METTL21C: variants seen among roughly 807,000 people sequenced by gnomAD.
The protein encoded by METTL21C is protein-lysine methyltransferase METTL21C.
A neutral mutation model predicts 25.9 loss-of-function variants in METTL21C; 21 were observed. The observed-to-expected ratio is 0.81, with a 90% CI of 0.58 to 1.17. METTL21C has a LOEUF of 1.17. METTL21C is among the 50% of genes most tolerant of loss of function. The probability of loss-of-function intolerance (pLI) is 0.00; values close to 1 mark genes in which losing one functional copy is unlikely to be tolerated. For missense variants in METTL21C, 312 were observed against 315.1 expected (o/e 0.99, Z 0.07); for synonymous variants, 125 against 124.7 (o/e 1.00, Z -0.01).
chr13:102,702,589 AT>A, the METTL21C span, among the ~76,000 whole-genome samples: 3,853 of 146,132 alleles, frequency 0.026, 88 homozygotes, highest in African/African-American at 0.068. Context: ...CAAAAACAGG[AT>A]TTTTTTTTTT....
intron 1 of METTL21C, among the ~76,000 whole-genome samples, chr13:102,692,326 C>A (rs1014690443): frequency 1.3e-5 from 2 of 152,092 alleles, no homozygotes; most frequent in Admixed American, 1.3e-4. Flanking sequence ...AGGTCTCACT[C>A]ATTCCATACA....
the METTL21C span, among the ~76,000 whole-genome samples, chr13:102,701,032 C>A: frequency 6.6e-6 from 1 of 151,934 alleles, no homozygotes; most frequent in South Asian, 2.1e-4. Flanking sequence ...CAACAGATTT[C>A]TATTAGGAAA....
At chr13:102,695,520 C>A (rs1885933285), upstream of METTL21C, among the ~76,000 whole-genome samples, 1 of 152,098 alleles carries the variant, frequency 6.6e-6, no homozygotes, top group Admixed American at 6.6e-5. Flanking sequence ...TACATTCAAC[C>A]AGGGAGTTGG....
intron 2 of METTL21C, among the ~76,000 whole-genome samples, chr13:102,689,950 G>A (rs999566427): frequency 7.2e-5 from 11 of 152,192 alleles, no homozygotes; most frequent in Admixed American, 2.0e-4. Context: ...GAAGGCAAAC[G>A]GAGGTGAGGT....
chr13:102,689,450 G>A (rs186816856), intron 2 of METTL21C, among the ~76,000 whole-genome samples: 4 of 152,310 alleles, frequency 2.6e-5, no homozygotes, highest in Non-Finnish European at 5.9e-5. Context: ...AAGCCCTTTG[G>A]CTACCCTTCT....
intron 3 of METTL21C, 62 bp from the exon 4 acceptor site, chr13:102,686,487 AG>A (rs1339384892): frequency 6.6e-7 from 1 of 1,516,740 alleles, no homozygotes; most frequent in African/African-American, 1.4e-5. Context: ...ACATATACCC[AG>A]GGAGAAACAC....
At chr13:102,696,113 A>G (rs1411554373), upstream of METTL21C, among the ~76,000 whole-genome samples, 1 of 152,078 alleles carries the variant, frequency 6.6e-6, no homozygotes, top group Non-Finnish European at 1.5e-5. Flanking sequence ...AAACTTTTTT[A>G]AAGCTATTTT....
chr13:102,690,506 T>G (rs2138883616), intron 2 of METTL21C, among the ~76,000 whole-genome samples: 1 of 152,188 alleles, frequency 6.6e-6, no homozygotes, highest in Admixed American at 6.5e-5. Flanking sequence ...ATCTAAACTC[T>G]AAATCCCTGG....
chr13:102,696,868 T>C (rs1463642780), upstream of METTL21C, among the ~76,000 whole-genome samples: 2 of 152,024 alleles, frequency 1.3e-5, no homozygotes, highest in Non-Finnish European at 2.9e-5. Flanking sequence ...AAACTCTGAG[T>C]GCCCAAGCAG....
At position 102,687,027 on chromosome 13, in the gene METTL21C, G is replaced by A. The variant is rs755844615; in HGVS notation, c.313C>T (p.His105Tyr). 1.2e-6 allele frequency: 2 copies of A among 1,614,000 alleles called. No homozygotes were observed. The highest frequency in any genetic ancestry group is 1.7e-6 in the Non-Finnish European group (2 of 1,179,864). The change falls in exon 3 of 4, where the codon CAT becomes TAT. Residue 105 changes from histidine to tyrosine, a missense_variant. Coordinates refer to ENST00000267273, the MANE Select transcript of METTL21C (RefSeq NM_001010977.3). ...AMALCQYLEEHAEELNFQDAK... is the reference protein window; with the variant it reads ...AMALCQYLEEYAEELNFQDAK... ...TCTTGGAAATTCAATTCCTCGGCAT[G>A]TTCCTCCAAGTATTGACACAAAGCC...
At chr13:102,690,991 T>G in intron 1 of METTL21C, 27 bp from the exon 2 acceptor site, 3 of 1,611,738 alleles carry the variant, frequency 1.9e-6, no homozygotes, top group Non-Finnish European at 2.5e-6. Context: ...TAAAATGGAG[T>G]TCATGATTTG....
In METTL21C at chr13:102,694,900, TCACACACA is replaced by T. The variant is rs55715774; in HGVS notation, c.-410_-403del. Among the ~76,000 whole-genome samples, 93 of 135,578 alleles carry T rather than the reference TCACACACA, an allele frequency of 6.9e-4. No individual in the cohort carries two copies. The highest frequency in any genetic ancestry group is 2.6e-3 in the African/African-American group (89 of 34,174). The allele number at this position is 135,578 out of a possible 152,430, so 88.9% of individuals were successfully genotyped here. ...CTCTCTCTCTCTCTCTCTCTCTCTC[TCACACACA>T]CACACACACACACACACACACGCAC... On this transcript the variant is annotated 5_prime_UTR_variant, in exon 1 of 4. The change abolishes the stop of an existing upstream ORF in the 5' untranslated region. Coordinates refer to ENST00000267273, the MANE Select transcript of METTL21C (RefSeq NM_001010977.3).
At chr13:102,690,224 C>A (rs1885789887) in intron 2 of METTL21C, among the ~76,000 whole-genome samples, 1 of 152,116 alleles carries the variant, frequency 6.6e-6, no homozygotes, top group African/African-American at 2.4e-5. Flanking sequence ...AGTTCAAGAC[C>A]AGCCTGGCCA....
At chr13:102,688,214 C>T (rs191572211) in intron 2 of METTL21C, among the ~76,000 whole-genome samples, 86 of 152,304 alleles carry the variant, frequency 5.6e-4, no homozygotes, top group African/African-American at 1.8e-3. Flanking sequence ...TGATTGGAGA[C>T]GTGTCACTCT....
At chr13:102,698,446 T>C (rs1336592326), upstream of METTL21C, among the ~76,000 whole-genome samples, 2 of 152,180 alleles carry the variant, frequency 1.3e-5, no homozygotes, top group African/African-American at 4.8e-5. Context: ...AGATTATAGA[T>C]CCCCTTATCT....
the METTL21C span, among the ~76,000 whole-genome samples, chr13:102,704,121 A>G: frequency 1.3e-5 from 2 of 152,298 alleles, no homozygotes; most frequent in African/African-American, 2.4e-5. Flanking sequence ...ATCCAACTAA[A>G]CTTCTCTGTT....
intron 1 of METTL21C, among the ~76,000 whole-genome samples, chr13:102,693,254 T>C (rs1885874149): frequency 1.3e-5 from 2 of 152,230 alleles, no homozygotes; most frequent in South Asian, 4.1e-4. Context: ...GCTTTTAATA[T>C]ACCTTTGTCT....
chr13:102,692,557 G>A (rs189714279), intron 1 of METTL21C, among the ~76,000 whole-genome samples: 3 of 147,710 alleles, frequency 2.0e-5, no homozygotes, highest in Admixed American at 2.0e-4. Context: ...AAAAGTATCA[G>A]TGTGCAGCAC....
intron 1 of METTL21C, among the ~76,000 whole-genome samples, chr13:102,691,640 G>A (rs528525180): frequency 2.0e-5 from 3 of 152,302 alleles, no homozygotes; most frequent in African/African-American, 4.8e-5. Flanking sequence ...GAGCCACCAC[G>A]CCCCGCCAGA....
Sources: gnomAD v4.1 joint callset for allele counts (sites outside exome capture counted in the v4.1 genomes callset) on GRCh38, gnomAD v4.1.1 for gene constraint, MANE v1.5 for transcripts, NCBI Gene and HGNC (gene_info 2026-07-23, HGNC 2026-07-21) for gene names.